The following PIK3CB variants were observed in gnomAD, a reference collection of about 807,000 sequenced individuals.
The protein encoded by PIK3CB is phosphatidylinositol 4,5-bisphosphate 3-kinase catalytic subunit beta isoform.
A neutral mutation model predicts 136.8 loss-of-function variants in PIK3CB; 39 were observed. The observed-to-expected ratio is 0.29, with a 90% CI of 0.22 to 0.37. The LOEUF is 0.37. PIK3CB is among the 10% of genes least tolerant of loss of function. PIK3CB has a pLI of 1.00. For synonymous variants in PIK3CB, 428 were observed against 436.6 expected, an observed-to-expected ratio of 0.98 and a Z score of 0.25; for missense variants, 868 against 1,275.4, an observed-to-expected ratio of 0.68 and a Z score of 4.87.
intron 23 of PIK3CB, among the ~76,000 whole-genome samples, chr3:138,655,888 T>A (rs551219683): frequency 7.2e-5 from 11 of 152,312 alleles, no homozygotes; most frequent in African/African-American, 2.6e-4. Context: ...CTTTCAGTAA[T>A]GTGAGTAAGA....
At chr3:138,807,490 G>A (rs1057181522) in intron 1 of PIK3CB, among the ~76,000 whole-genome samples, 6 of 152,150 alleles carry the variant, frequency 3.9e-5, no homozygotes, top group Non-Finnish European at 7.3e-5. Flanking sequence ...AGCACTGCTT[G>A]TAATGCCAAT....
chr3:138,665,464 T>C (rs2043388263), intron 19 of PIK3CB, among the ~76,000 whole-genome samples: 1 of 152,204 alleles, frequency 6.6e-6, no homozygotes. Context: ...AACATTCTAT[T>C]TGCTTGTGTA....
intron 4 of PIK3CB, 95 bp from the exon 5 acceptor site, chr3:138,742,876 G>C: frequency 3.2e-6 from 2 of 621,678 alleles, no homozygotes; most frequent in Non-Finnish European, 5.3e-6. Context: ...AACTAACTTG[G>C]ATGTTGGATG....
intron 1 of PIK3CB, among the ~76,000 whole-genome samples, chr3:138,801,861 C>CAAAAAAA (rs35232938): frequency 3.5e-5 from 2 of 57,224 alleles, no homozygotes; most frequent in Non-Finnish European, 6.0e-5. Context: ...GACTCCATCT[C>CAAAAAAA]AAAAAAAAAA....
intron 11 of PIK3CB, among the ~76,000 whole-genome samples, chr3:138,706,085 T>C (rs2044372938): frequency 6.6e-6 from 1 of 152,170 alleles, no homozygotes. Context: ...AAGATTTCCT[T>C]ATAAAAATCA....
At chr3:138,832,763 A>G (rs1247941465) in intron 1 of PIK3CB, among the ~76,000 whole-genome samples, 2 of 135,744 alleles carry the variant, frequency 1.5e-5, no homozygotes, top group Admixed American at 8.1e-5. Flanking sequence ...CGGGAGGCGG[A>G]GGTTGCGGTG....
At chr3:138,807,894 C>CA (rs35759774) in intron 1 of PIK3CB, among the ~76,000 whole-genome samples, 3,735 of 129,112 alleles carry the variant, frequency 0.029, 131 homozygotes, top group African/African-American at 0.093. Flanking sequence ...GATCCTGTCT[C>CA]AAAAAAAAAA....
chr3:138,826,272 G>A, intron 1 of PIK3CB: 1 of 1,594,890 alleles, frequency 6.3e-7, no homozygotes, highest in East Asian at 2.2e-5. Flanking sequence ...TGGACAAGAA[G>A]GCTGCTGGAG....
At chr3:138,785,133 CGGGA>C (rs1426783171) in intron 2 of PIK3CB, among the ~76,000 whole-genome samples, 13 of 151,012 alleles carry the variant, frequency 8.6e-5, no homozygotes, top group African/African-American at 2.9e-4. Context: ...CCGCCCCGTC[CGGGA>C]GGGAGATGGG....
intron 1 of PIK3CB, among the ~76,000 whole-genome samples, chr3:138,814,923 G>A (rs1373857832): frequency 6.6e-6 from 1 of 151,882 alleles, no homozygotes; most frequent in Non-Finnish European, 1.5e-5. Flanking sequence ...GGATCATGAG[G>A]TCAAGAGATC....
intron 1 of PIK3CB, among the ~76,000 whole-genome samples, chr3:138,830,222 C>A (rs1331787172): frequency 6.6e-6 from 1 of 152,114 alleles, no homozygotes; most frequent in African/African-American, 2.4e-5. Flanking sequence ...ACCACAACCA[C>A]CCCCTGCCCA....
chr3:138,737,664 T>C lies in PIK3CB; in HGVS notation c.801+43A>G, dbSNP rs3729701. 4.3e-4 allele frequency: 328 copies of C among 771,148 alleles called. 2 individuals carry two copies. Among genetic ancestry groups the C allele is most frequent in the Admixed American group, 4.0e-3 (139 of 35,088 alleles). 47.8% of individuals were successfully genotyped at this position (771,148 alleles called of 1,614,324 possible). On this transcript the variant is annotated intron_variant, in intron 6 of 23. Transcript: ENST00000674063. ...AATAAAATATATATATATATATATA[T>C]ACTCATAGACTTTTCTGGTAAATTA...
rs567925983 is a variant in PIK3CB at position 138,745,623 on chromosome 3, A to AC, written c.398-2843dup. ...ACTGCAGCCTGGGCGATGAAGTGAG[A>AC]CCCCATCTCAAAAAAAAAGGCAGCC... On this transcript the variant is annotated intron_variant, in intron 4 of 23. Transcript: ENST00000674063. 4.8e-3 allele frequency among the ~76,000 whole-genome samples: 723 copies of AC among 151,832 alleles called. 3 individuals are homozygous for AC. The highest frequency in any genetic ancestry group is 8.4e-3 in the Non-Finnish European group (571 of 67,938).
chr3:138,797,218 T>C (rs1481954192), intron 1 of PIK3CB: 1 of 152,462 alleles, frequency 6.6e-6, no homozygotes, highest in Non-Finnish European at 1.5e-5. Flanking sequence ...ATGCTTTGAA[T>C]GTTGCCAACA....
At chr3:138,714,322 A>G (rs1199245795) in intron 9 of PIK3CB, 146 bp downstream of exon 9, 1 of 555,452 alleles carries the variant, frequency 1.8e-6, no homozygotes, top group Non-Finnish European at 3.1e-6. Context: ...AAAGATATAA[A>G]CATGGAAATT....
In PIK3CB at chr3:138,707,239, A is replaced by G. The variant is rs1398413201; in HGVS notation, c.1450T>C (p.Tyr484His). Residue 484 changes from tyrosine to histidine, a missense_variant, in exon 11 of 24, where the codon TAT (tyrosine) becomes CAT (histidine). Physicochemically the swap from Tyr to His is moderately conservative, Grantham distance 83 (BLOSUM62 2). This residue lies in a region of PIK3CB where 612 missense variants were observed against 801.1 expected (regional missense o/e 0.76). Coordinates refer to ENST00000674063, the MANE Select transcript of PIK3CB (RefSeq NM_006219.3). The stretch of plus-strand genomic sequence containing the variant: ...TGCAAAGCTGTTGCATTTTCAGTAT[A>G]TGGATTTGTTTGAACAGTTCCCATT... The part of the protein sequence containing the change: ...NPMGTVQTNP[Y>H]TENATALHVK... The G allele has an allele frequency of 6.2e-7, 1 of 1,613,066 alleles. No homozygotes were observed. Among genetic ancestry groups the G allele is most frequent in the Non-Finnish European group, 8.5e-7 (1 of 1,179,304 alleles).
chr3:138,725,280 G>A (rs1283614644), intron 8 of PIK3CB, among the ~76,000 whole-genome samples: 1 of 152,098 alleles, frequency 6.6e-6, no homozygotes, highest in Admixed American at 6.5e-5. Context: ...ACTAGGCTAT[G>A]GGGAATTATG....
chr3:138,686,949 C>T (rs2043907086), intron 16 of PIK3CB, among the ~76,000 whole-genome samples: 1 of 152,126 alleles, frequency 6.6e-6, no homozygotes, highest in African/African-American at 2.4e-5. Context: ...TGTACAAACA[C>T]TGGTGACAAG....
Position 138,778,594 on chromosome 3 carries a change from G to A in PIK3CB, c.-17+17869C>T. Reference sequence around the variant, plus strand: ...CTGCCAAATACAATGACATCATGAAGGAGGTGAAGCAGGCGTGGGAGGACC... The same window carrying A: ...CTGCCAAATACAATGACATCATGAAAGAGGTGAAGCAGGCGTGGGAGGACC... On this transcript the variant is annotated intron_variant, in intron 2 of 23. Transcript: ENST00000674063. The A allele has an allele frequency of 1.4e-5, 3 of 213,560 alleles. No homozygotes were observed. The South Asian group carries it at 2.0e-4, about 14-fold the overall frequency. 13.2% of individuals were successfully genotyped at this position (213,560 alleles called of 1,614,324 possible).
Sources: allele counts gnomAD v4.1 joint callset (sites outside exome capture counted in the v4.1 genomes callset), GRCh38; gene constraint gnomAD v4.1.1; regional missense constraint gnomAD v4.1.1; transcripts MANE v1.5; gene names NCBI Gene and HGNC (gene_info 2026-07-23, HGNC 2026-07-21).